The following LIMCH1 variants were observed in gnomAD, a reference collection of about 807,000 sequenced individuals.
The protein encoded by LIMCH1 is LIM and calponin homology domains-containing protein 1.
A neutral mutation model predicts 176.5 loss-of-function variants in LIMCH1; 113 were observed. The observed-to-expected ratio is 0.64, with a 90% CI of 0.55 to 0.75. The LOEUF is 0.75. Ranked by LOEUF, LIMCH1 falls within the 30% of genes least tolerant of loss-of-function variation. The pLI is 0.00. For missense variants in LIMCH1, 1,674 were observed against 1,814.9 expected (o/e 0.92, Z 1.41); for synonymous variants, 619 against 645.9 (o/e 0.96, Z 0.63).
At chr4:41,527,606 C>T (rs550718923) in intron 3 of LIMCH1, among the ~76,000 whole-genome samples, 2 of 152,178 alleles carry the variant, frequency 1.3e-5, no homozygotes, top group South Asian at 2.1e-4. Context: ...GAGGCCGAGG[C>T]GGGCGGATCA....
At chr4:41,551,710 T>G (rs1033125882) in intron 1 of LIMCH1, among the ~76,000 whole-genome samples, 2 of 152,234 alleles carry the variant, frequency 1.3e-5, no homozygotes, top group Non-Finnish European at 2.9e-5. Context: ...AGTGAATTTC[T>G]AATTTCAGTG....
intron 2 of LIMCH1, among the ~76,000 whole-genome samples, chr4:41,511,924 TA>T (rs1561591947): frequency 6.6e-6 from 1 of 152,156 alleles, no homozygotes; most frequent in East Asian, 1.9e-4. Context: ...AACTGGACTA[TA>T]TCAAAATTAA....
intron 1 of LIMCH1, among the ~76,000 whole-genome samples, chr4:41,468,707 C>T (rs1204185456): frequency 6.6e-5 from 10 of 151,872 alleles, no homozygotes; most frequent in Admixed American, 2.0e-4. Flanking sequence ...TAAGGTATCT[C>T]GTTTTCTGTC....
intron 1 of LIMCH1, among the ~76,000 whole-genome samples, chr4:41,393,060 T>C (rs548099036): frequency 2.6e-5 from 4 of 152,254 alleles, no homozygotes; most frequent in Non-Finnish European, 5.9e-5. Flanking sequence ...TTATATATCT[T>C]TTATTTTTTG....
chr4:41,626,176 C>T (rs771556838), intron 7 of LIMCH1, among the ~76,000 whole-genome samples: 1 of 152,018 alleles, frequency 6.6e-6, no homozygotes, highest in East Asian at 1.9e-4. Flanking sequence ...GTAAACTATC[C>T]CAGATGTTTC....
At chr4:41,604,527 A>G (rs1007326338) in intron 3 of LIMCH1, among the ~76,000 whole-genome samples, 4 of 152,156 alleles carry the variant, frequency 2.6e-5, no homozygotes, top group South Asian at 2.1e-4. Flanking sequence ...CCTAGGTGCT[A>G]TTATATTTGA....
chr4:41,376,283 A>G (rs183472142), intron 1 of LIMCH1, among the ~76,000 whole-genome samples: 117 of 152,316 alleles, frequency 7.7e-4, no homozygotes, highest in Non-Finnish European at 1.3e-3. Flanking sequence ...AATCTCTGCC[A>G]CTGTTTGGCA....
At chr4:41,690,685 G>A (rs1180042799) in intron 30 of LIMCH1, among the ~76,000 whole-genome samples, 6 of 152,134 alleles carry the variant, frequency 3.9e-5, no homozygotes, top group Non-Finnish European at 8.8e-5. Flanking sequence ...CTAAGAGAAA[G>A]TCAGTGAAGT....
intron 31 of LIMCH1, among the ~76,000 whole-genome samples, chr4:41,696,859 C>T (rs907834711): frequency 6.6e-6 from 1 of 152,126 alleles, no homozygotes; most frequent in Non-Finnish European, 1.5e-5. Context: ...GATGGAGATG[C>T]TTTGGTTTAG....
intron 1 of LIMCH1, among the ~76,000 whole-genome samples, chr4:41,383,823 C>T (rs1448639196): frequency 6.6e-6 from 1 of 152,120 alleles, no homozygotes; most frequent in Non-Finnish European, 1.5e-5. Flanking sequence ...GTAGGGCTCT[C>T]TCTGTGAACA....
intron 23 of LIMCH1, 47 bp from the exon 24 acceptor site, chr4:41,679,959 C>T (rs560637748): frequency 3.9e-6 from 5 of 1,284,936 alleles, no homozygotes; most frequent in East Asian, 4.7e-5. Context: ...TTCCCGATGA[C>T]GTATGCAATG....
At chr4:41,442,849 T>A (rs1431962690) in intron 1 of LIMCH1, among the ~76,000 whole-genome samples, 1 of 152,174 alleles carries the variant, frequency 6.6e-6, no homozygotes, top group Non-Finnish European at 1.5e-5. Context: ...TTAACCAGGG[T>A]AAACAATAAT....
intron 23 of LIMCH1, among the ~76,000 whole-genome samples, chr4:41,678,405 G>T (rs747694766): frequency 9.2e-5 from 14 of 152,036 alleles, no homozygotes. Flanking sequence ...GTAGGAACCC[G>T]ATTCATCAAA....
chr4:41,574,348 C>T (rs1054479853), intron 1 of LIMCH1, among the ~76,000 whole-genome samples: 2 of 147,494 alleles, frequency 1.4e-5, no homozygotes, highest in Non-Finnish European at 3.0e-5. Context: ...GGCTGGAGTG[C>T]AGTGGCACAA....
intron 1 of LIMCH1, chr4:41,418,838 G>T (rs1245541486): frequency 6.6e-6 from 1 of 152,136 alleles, no homozygotes; most frequent in Non-Finnish European, 1.5e-5. Context: ...TGTTGGGGAG[G>T]AAACAGTATG....
At chr4:41,534,843 T>C (rs2077704428), upstream of LIMCH1, among the ~76,000 whole-genome samples, 1 of 152,028 alleles carries the variant, frequency 6.6e-6, no homozygotes, top group African/African-American at 2.4e-5. Flanking sequence ...GGAAAAGTCA[T>C]TAGCAATTGC....
intron 8 of LIMCH1, 105 bp from the exon 9 acceptor site, chr4:41,629,387 T>G: frequency 1.5e-6 from 2 of 1,312,870 alleles, no homozygotes; most frequent in South Asian, 3.0e-5. Flanking sequence ...ATCATTTTGT[T>G]CTGTCCTCAG....
Position 41,650,465 on chromosome 4 carries a change from G to A in LIMCH1, c.2893G>A (p.Val965Met), listed in dbSNP as rs1417790863. 1 of 1,614,098 alleles carries A rather than the reference G, an allele frequency of 6.2e-7. No individual in the cohort carries two copies. The highest frequency in any genetic ancestry group is 1.3e-5 in the African/African-American group (1 of 75,034). Residue 965 changes from valine (V) to methionine (M), a missense_variant, in exon 18 of 32, where the codon GTG becomes ATG. By Grantham distance (21) the Val-to-Met change is conservative (BLOSUM62 1). This residue lies in a region of LIMCH1 where 1,015 missense variants were observed against 1,102.5 expected (regional missense o/e 0.92). Coordinates refer to ENST00000503057, the MANE Select transcript of LIMCH1 (RefSeq NM_001330672.2). Reference protein sequence around the residue: ...EEEKERECPTVAPAHSLTKSQ... With the variant: ...EEEKERECPTMAPAHSLTKSQ... ...GGAGAAGGAAAGAGAGTGTCCCACG[G>A]TGGCACCTGCCCACTCCTTAACCAA...
At chr4:41,472,311 C>T (rs1167280526) in intron 1 of LIMCH1, among the ~76,000 whole-genome samples, 2 of 151,994 alleles carry the variant, frequency 1.3e-5, no homozygotes, top group African/African-American at 2.4e-5. Flanking sequence ...TGCAGAAAGC[C>T]AGTTCCTTCC....
Sources: allele counts gnomAD v4.1 joint callset (sites outside exome capture counted in the v4.1 genomes callset), GRCh38; gene constraint gnomAD v4.1.1; regional missense constraint gnomAD v4.1.1; transcripts MANE v1.5; gene names NCBI Gene and HGNC (gene_info 2026-07-23, HGNC 2026-07-21).